The following CAST variants were observed in gnomAD, a reference collection of about 807,000 sequenced individuals.
CAST encodes MIR583 host.
CAST carries 76 observed loss-of-function variants against 119.6 expected under a neutral mutation model. That is an observed-to-expected ratio of 0.64 (90% CI 0.53 to 0.77). CAST has a LOEUF of 0.77. CAST is among the 30% of genes least tolerant of loss of function. The probability of loss-of-function intolerance (pLI) is 0.00; values close to 1 mark genes in which losing one functional copy is unlikely to be tolerated. For missense variants in CAST, 953 were observed against 946.5 expected, an observed-to-expected ratio of 1.01 and a Z score of -0.09; for synonymous variants, 319 against 331.6, an observed-to-expected ratio of 0.96 and a Z score of 0.41.
the CAST span, among the ~76,000 whole-genome samples, chr5:96,211,063 C>A: frequency 9.2e-5 from 14 of 151,944 alleles, no homozygotes; most frequent in African/African-American, 3.1e-4. Context: ...TAGGAGATTT[C>A]TTGTAGATTC....
the CAST span, among the ~76,000 whole-genome samples, chr5:96,303,923 T>A: frequency 6.6e-6 from 1 of 152,276 alleles, no homozygotes; most frequent in East Asian, 1.9e-4. Context: ...TGTGCTTAAG[T>A]CTTTATAGTA....
chr5:96,298,077 C>G, the CAST span, among the ~76,000 whole-genome samples: 1 of 152,186 alleles, frequency 6.6e-6, no homozygotes, highest in Admixed American at 6.5e-5. Context: ...AAATAGAAAT[C>G]TTGCTAAACT....
At chr5:96,087,290 G>T in the CAST span, among the ~76,000 whole-genome samples, 1 of 152,198 alleles carries the variant, frequency 6.6e-6, no homozygotes, top group Non-Finnish European at 1.5e-5. Context: ...TATAACATAA[G>T]AGAACTAAGA....
the CAST span, among the ~76,000 whole-genome samples, chr5:95,983,260 G>A: frequency 3.3e-5 from 5 of 152,366 alleles, no homozygotes; most frequent in East Asian, 9.6e-4. Context: ...AAGTCCTGAA[G>A]AGGGCTGGCA....
chr5:96,429,267 T>G, the CAST span: 2 of 1,604,964 alleles, frequency 1.2e-6, no homozygotes, highest in South Asian at 2.2e-5. Context: ...TTCGAGACCT[T>G]CTGGGGTGGT....
the CAST span, chr5:96,399,166 A>G: frequency 2.0e-5 from 14 of 689,626 alleles, no homozygotes; most frequent in African/African-American, 7.2e-5. Flanking sequence ...GATGTGTAGA[A>G]CCTAATTCAG....
At chr5:96,448,865 C>A in the CAST span, among the ~76,000 whole-genome samples, 1 of 152,120 alleles carries the variant, frequency 6.6e-6, no homozygotes, top group Non-Finnish European at 1.5e-5. Flanking sequence ...ATTCCCCAGA[C>A]CTAAACTCCC....
chr5:96,068,640 A>G, the CAST span, among the ~76,000 whole-genome samples: 13 of 147,464 alleles, frequency 8.8e-5, no homozygotes, highest in African/African-American at 3.3e-4. Flanking sequence ...TAATATGTGT[A>G]TGTATGCACA....
chr5:96,662,618 G>C, intron 1 of CAST, 121 bp downstream of exon 1: 1 of 1,242,768 alleles, frequency 8.0e-7, no homozygotes, highest in Non-Finnish European at 1.0e-6. Context: ...CGCCCCCGCG[G>C]GGCAGGGAGA....
chr5:96,325,372 T>C, the CAST span, among the ~76,000 whole-genome samples: 14 of 150,312 alleles, frequency 9.3e-5, no homozygotes, highest in Non-Finnish European at 1.5e-4. Context: ...TTTCTTTCTT[T>C]TCTTTCTTCT....
intron 16 of CAST, chr5:96,743,559 C>T: frequency 1.3e-6 from 2 of 1,569,682 alleles, no homozygotes; most frequent in South Asian, 2.4e-5. Context: ...TGTTCTGAGT[C>T]ATCAGGGAAG....
At chr5:96,019,980 T>C in the CAST span, among the ~76,000 whole-genome samples, 2 of 152,242 alleles carry the variant, frequency 1.3e-5, no homozygotes, top group Non-Finnish European at 2.9e-5. Flanking sequence ...TTTATAAAAA[T>C]ATGGATATGT....
At chr5:96,542,308 C>CAAAAAAAAAAAAAAAA (rs759173589) in intron 1 of CAST, among the ~76,000 whole-genome samples, 8 of 37,082 alleles carry the variant, frequency 2.2e-4, no homozygotes, top group African/African-American at 6.2e-4. Flanking sequence ...GACTTAGTCT[C>CAAAAAAAAAAAAAAAA]AAAAAAAAAA....
the CAST span, among the ~76,000 whole-genome samples, chr5:96,169,394 G>A: frequency 6.6e-6 from 1 of 152,154 alleles, no homozygotes; most frequent in African/African-American, 2.4e-5. Flanking sequence ...AGAATAATGG[G>A]TTGTGGAGGG....
intron 17 of CAST, 99 bp downstream of exon 17, chr5:96,746,524 C>T (rs1763799995): frequency 3.8e-6 from 3 of 797,124 alleles, no homozygotes; most frequent in Admixed American, 3.6e-5. Context: ...ATGTCTGTCC[C>T]CCATTCAGAT....
the CAST span, among the ~76,000 whole-genome samples, chr5:96,162,570 A>C: frequency 6.6e-6 from 1 of 152,064 alleles, no homozygotes; most frequent in Non-Finnish European, 1.5e-5. Context: ...GGCGTGTGCC[A>C]CCACACCTGG....
At chr5:96,662,322 T>TGCC, upstream of CAST, 18 of 567,038 alleles carry the variant, frequency 3.2e-5, no homozygotes, top group Non-Finnish European at 3.5e-5. Flanking sequence ...GGCCCTCCGC[T>TGCC]CCCTCCCTCC....
the CAST span, among the ~76,000 whole-genome samples, chr5:96,331,758 C>T: frequency 6.6e-6 from 1 of 152,172 alleles, no homozygotes; most frequent in African/African-American, 2.4e-5. Context: ...ACTATCCCTG[C>T]CTGGTGGGTT....
the CAST span, among the ~76,000 whole-genome samples, chr5:96,074,064 A>G: frequency 2.0e-5 from 3 of 152,140 alleles, no homozygotes; most frequent in African/African-American, 7.2e-5. Context: ...TTTTATATCG[A>G]GAGACTCACA....
Sources: gnomAD v4.1 joint callset for allele counts (sites outside exome capture counted in the v4.1 genomes callset) on GRCh38, gnomAD v4.1.1 for gene constraint, MANE v1.5 for transcripts, NCBI Gene and HGNC (gene_info 2026-07-23, HGNC 2026-07-21) for gene names.